The following SLC4A5 variants were observed in gnomAD, a reference collection of about 807,000 sequenced individuals.
The protein encoded by SLC4A5 is solute carrier family 4 member 5, also known as electrogenic sodium bicarbonate cotransporter 4.
SLC4A5 carries 96 observed loss-of-function variants against 120.4 expected under a neutral mutation model. The observed-to-expected ratio is 0.80, with a 90% CI of 0.68 to 0.94. The LOEUF is 0.94. SLC4A5 is among the 40% of genes least tolerant of loss of function. SLC4A5 has a pLI of 0.00. For missense variants in SLC4A5, 1,259 were observed against 1,459.5 expected, an observed-to-expected ratio of 0.86 and a Z score of 2.24; for synonymous variants, 550 against 571.1, an observed-to-expected ratio of 0.96 and a Z score of 0.53.
intron 29 of SLC4A5, among the ~76,000 whole-genome samples, 158 bp downstream of exon 29, chr2:74,222,710 A>G (rs1002117617): frequency 6.6e-6 from 1 of 152,190 alleles, no homozygotes; most frequent in East Asian, 1.9e-4. Context: ...TGGAAAAACT[A>G]TCTTGCACAA....
chr2:74,235,242 G>A (rs774386008), intron 21 of SLC4A5, 28 bp from the exon 22 acceptor site: 7 of 1,587,718 alleles, frequency 4.4e-6, no homozygotes, highest in East Asian at 2.2e-5. Flanking sequence ...GCAAGTAAAA[G>A]AAGTGAGTAA....
chr2:74,233,339 T>A (rs1670157614), intron 23 of SLC4A5, 63 bp downstream of exon 23: 2 of 1,584,290 alleles, frequency 1.3e-6, no homozygotes, highest in African/African-American at 1.3e-5. Flanking sequence ...ATGTCCTTCC[T>A]TCGCTCTTTC....
chr2:74,272,179 T>C (rs528746952), intron 8 of SLC4A5, among the ~76,000 whole-genome samples: 2 of 152,332 alleles, frequency 1.3e-5, no homozygotes, highest in South Asian at 4.2e-4. Flanking sequence ...ACCTAGCATG[T>C]GTGTCTGTGT....
intron 7 of SLC4A5, among the ~76,000 whole-genome samples, chr2:74,302,626 T>C (rs1573079817): frequency 6.6e-6 from 1 of 152,118 alleles, no homozygotes; most frequent in Non-Finnish European, 1.5e-5. Context: ...CAAAAATATA[T>C]ATATGCCAAA....
rs568744161 is a variant in SLC4A5 at position 74,264,486 on chromosome 2, G to T, written c.563-187C>A. Among the ~76,000 whole-genome samples the T allele has an allele frequency of 4.1e-5, 6 of 146,210 alleles. No individual in the cohort carries two copies. The East Asian group carries it at 1.2e-3, about 29-fold the overall frequency. ...ACTCTTGGCCTCCTCCTGTTCAAGG[G>T]CACGTGTGTGTGTGTGTGTGTGTGT... On this transcript the variant is annotated intron_variant, in intron 9 of 30. Transcript: ENST00000394019.
intron 6 of SLC4A5, among the ~76,000 whole-genome samples, chr2:74,312,657 G>T: frequency 6.6e-6 from 1 of 152,198 alleles, no homozygotes; most frequent in Non-Finnish European, 1.5e-5. Context: ...TATTGGCTGG[G>T]TGCAGTGGCT....
Position 74,332,680 on chromosome 2 carries a change from C to A in SLC4A5, c.-70+1347G>T, listed in dbSNP as rs568990119. Among the ~76,000 whole-genome samples the A allele has an allele frequency of 2.0e-5, 3 of 151,926 alleles. No homozygotes were observed. The South Asian group carries it at 6.2e-4, about 32-fold the overall frequency. ...AGTGGGAGAGAGAAAAGCCAATACA[C>A]AGAATGGCAGAGGGGTGTCCATTTG... On this transcript the variant is annotated intron_variant, in intron 4 of 30. Coordinates refer to ENST00000394019, the Ensembl canonical transcript of SLC4A5.
At chr2:74,227,866 G>A (rs1259030701) in exon 26 of SLC4A5, 4 of 1,608,816 alleles carry the variant, frequency 2.5e-6, no homozygotes, top group Admixed American at 3.4e-5. Flanking sequence ...TACAGCACCG[G>A]CAGGGGGATA....
At chr2:74,270,935 T>G (rs1437654583) in intron 8 of SLC4A5, among the ~76,000 whole-genome samples, 1 of 152,198 alleles carries the variant, frequency 6.6e-6, no homozygotes, top group Non-Finnish European at 1.5e-5. Context: ...CCAAGAACAC[T>G]AGCTGAAAGG....
intron 3 of SLC4A5, among the ~76,000 whole-genome samples, chr2:74,335,162 G>C (rs887349417): frequency 6.6e-6 from 1 of 152,204 alleles, no homozygotes; most frequent in African/African-American, 2.4e-5. Context: ...ACTTCTCACA[G>C]TTGTAAGTAA....
chr2:74,325,810 C>A (rs1378230293), intron 5 of SLC4A5, among the ~76,000 whole-genome samples: 1 of 117,906 alleles, frequency 8.5e-6, no homozygotes, highest in Non-Finnish European at 1.6e-5. Context: ...AAACTGGATT[C>A]TTTTTGATTC....
chr2:74,231,685 G>A (rs1670091650), intron 24 of SLC4A5, among the ~76,000 whole-genome samples: 1 of 152,206 alleles, frequency 6.6e-6, no homozygotes, highest in Non-Finnish European at 1.5e-5. Flanking sequence ...CCTATTGTGA[G>A]GATACATGCG....
chr2:74,285,838 G>T, exon 8 of SLC4A5: 2 of 1,612,884 alleles, frequency 1.2e-6, no homozygotes, highest in Non-Finnish European at 1.7e-6. Flanking sequence ...CTGTAAAGAG[G>T]GTGGGGTTGG....
At chr2:74,320,750 G>C (rs1573101587) in intron 5 of SLC4A5, among the ~76,000 whole-genome samples, 1 of 152,170 alleles carries the variant, frequency 6.6e-6, no homozygotes, top group East Asian at 1.9e-4. Flanking sequence ...CACCGGAGAA[G>C]AACCCTGCAG....
chr2:74,236,342 C>T (rs1453123736), intron 21 of SLC4A5, among the ~76,000 whole-genome samples: 1 of 152,116 alleles, frequency 6.6e-6, no homozygotes, highest in African/African-American at 2.4e-5. Context: ...CTATGGGTTT[C>T]CTTTGTACTT....
At chr2:74,232,110 G>C (rs1670108690) in intron 24 of SLC4A5, among the ~76,000 whole-genome samples, 1 of 152,224 alleles carries the variant, frequency 6.6e-6, no homozygotes, top group East Asian at 1.9e-4. Context: ...ACCCGCAGGA[G>C]GGCCATCAGG....
chr2:74,330,900 G>C (rs1366139511), intron 4 of SLC4A5, among the ~76,000 whole-genome samples: 1 of 60,394 alleles, frequency 1.7e-5, no homozygotes, highest in African/African-American at 6.3e-5. Flanking sequence ...TGGGTGGTGA[G>C]GTCTAGATGG....
intron 5 of SLC4A5, chr2:74,319,363 T>G (rs1673041068): frequency 6.6e-6 from 1 of 152,186 alleles, no homozygotes; most frequent in South Asian, 2.1e-4. Flanking sequence ...ATATATATTT[T>G]AAAACATTTA....
intron 7 of SLC4A5, among the ~76,000 whole-genome samples, chr2:74,287,133 T>C (rs1251983821): frequency 6.6e-6 from 1 of 152,230 alleles, no homozygotes; most frequent in Non-Finnish European, 1.5e-5. Context: ...TCCAGCCTGT[T>C]TCCTCAGTTC....
Sources: gnomAD v4.1 joint callset for allele counts (sites outside exome capture counted in the v4.1 genomes callset) on GRCh38, gnomAD v4.1.1 for gene constraint, MANE v1.5 for transcripts, NCBI Gene and HGNC (gene_info 2026-07-23, HGNC 2026-07-21) for gene names.